Variants in GOLPH3 observed in about 807,000 individuals in gnomAD.
The protein encoded by GOLPH3 is coat protein GPP34.
A neutral mutation model predicts 28.5 loss-of-function variants in GOLPH3; 14 were observed. The ratio of observed to expected loss-of-function variants is 0.49; its 90% CI spans 0.32 to 0.77. The LOEUF is 0.77. Among genes scored for constraint, GOLPH3 ranks in the 30% least tolerant of loss-of-function variants. The pLI is 0.03. For missense variants in GOLPH3, 350 were observed against 393.7 expected (o/e 0.89, Z 0.94); for synonymous variants, 158 against 159.2 (o/e 0.99, Z 0.06).
chr5:32,144,940 C>T (rs1746156739), intron 1 of GOLPH3, among the ~76,000 whole-genome samples: 1 of 152,176 alleles, frequency 6.6e-6, no homozygotes, highest in African/African-American at 2.4e-5. Flanking sequence ...ACAGCAGAAG[C>T]TATAAATAAC....
intron 2 of GOLPH3, 84 bp downstream of exon 2, chr5:32,143,665 T>TA (rs1164851294): frequency 1.1e-5 from 13 of 1,211,042 alleles, no homozygotes; most frequent in Non-Finnish European, 1.5e-5. Flanking sequence ...ACTTCCACTT[T>TA]AATTTTTGAA....
In GOLPH3 at chr5:32,173,844, TC is replaced by T; in HGVS notation, c.190del (p.Glu64ArgfsTer31). ...DSKETRLTLM[E>X]EVLLLGLKDR... ...CTTGAGGCCCAGCAGGAGCACTTCC[TC>T]CATCAGGGTCAGCCGCGTTTCCTTG... On this transcript the variant is annotated frameshift_variant, in exon 1 of 4. Transcript: ENST00000265070. LOFTEE classifies it high-confidence loss of function. The T allele has an allele frequency of 6.6e-7, 1 of 1,508,100 alleles. No individual in the cohort carries two copies. Among genetic ancestry groups the T allele is most frequent in the South Asian group, 1.3e-5 (1 of 79,296 alleles). 93.4% of individuals were successfully genotyped at this position (1,508,100 alleles called of 1,614,324 possible). A position where few individuals can be genotyped will look rare whatever the true frequency, so the allele number is the denominator to read the frequency against.
chr5:32,155,164 TA>T (rs1746392114), intron 1 of GOLPH3, among the ~76,000 whole-genome samples: 1 of 151,466 alleles, frequency 6.6e-6, no homozygotes, highest in Non-Finnish European at 1.5e-5. Flanking sequence ...CTAAATACAC[TA>T]AAAGTCACTG....
At position 32,126,146 on chromosome 5, in the gene GOLPH3, G is replaced by C; in HGVS notation, c.*66C>G. The C allele has an allele frequency of 6.8e-7, 1 of 1,461,862 alleles. No individual in the cohort carries two copies. Among genetic ancestry groups the C allele is most frequent in the South Asian group, 1.3e-5 (1 of 74,672 alleles). 90.6% of individuals were successfully genotyped at this position (1,461,862 alleles called of 1,614,324 possible). On this transcript the variant is annotated 3_prime_UTR_variant, in exon 4 of 4. Transcript: ENST00000265070. ...GGAAAGTACAAATTACAGAAAACCA[G>C]AAGTCAACAGAAGAAAAACTACTGG...
chr5:32,155,484 T>C (rs1280210126), intron 1 of GOLPH3, among the ~76,000 whole-genome samples: 2 of 152,192 alleles, frequency 1.3e-5, no homozygotes, highest in East Asian at 3.8e-4. Context: ...TCCTGGATTG[T>C]ACTGTTTAAA....
chr5:32,134,063 A>G (rs770688144), intron 3 of GOLPH3, among the ~76,000 whole-genome samples: 3 of 152,200 alleles, frequency 2.0e-5, no homozygotes, highest in Non-Finnish European at 2.9e-5. Context: ...GTATGTACTT[A>G]ATTTTTAAAT....
At chr5:32,155,191 C>T (rs1746392695) in intron 1 of GOLPH3, among the ~76,000 whole-genome samples, 1 of 151,350 alleles carries the variant, frequency 6.6e-6, no homozygotes, top group South Asian at 2.1e-4. Flanking sequence ...TTACCTTTTA[C>T]TTTGTTTTTT....
At chr5:32,168,485 C>T (rs1484152464) in intron 1 of GOLPH3, among the ~76,000 whole-genome samples, 1 of 152,170 alleles carries the variant, frequency 6.6e-6, no homozygotes, top group Admixed American at 6.5e-5. Flanking sequence ...TACTGTATTA[C>T]AGTTCTTGTC....
chr5:32,139,321 T>C (rs921649265), intron 2 of GOLPH3, among the ~76,000 whole-genome samples: 8 of 152,052 alleles, frequency 5.3e-5, no homozygotes, highest in Admixed American at 4.6e-4. Context: ...ATAGGTTATA[T>C]GCAAACACTA....
intron 1 of GOLPH3, among the ~76,000 whole-genome samples, chr5:32,158,133 ACACACACACACAC>A (rs1746494003): frequency 1.9e-4 from 2 of 10,412 alleles, no homozygotes; most frequent in African/African-American, 2.7e-4. Context: ...TAAATAAAAT[ACACACACACACAC>A]ACACACACAC....
intron 1 of GOLPH3, among the ~76,000 whole-genome samples, chr5:32,148,432 C>T (rs1445527762): frequency 1.3e-5 from 2 of 152,134 alleles, no homozygotes; most frequent in Admixed American, 1.3e-4. Flanking sequence ...AATGAAATCA[C>T]TAAAAACACT....
intron 2 of GOLPH3, among the ~76,000 whole-genome samples, chr5:32,138,778 G>T (rs1004978673): frequency 6.6e-6 from 1 of 152,208 alleles, no homozygotes. Context: ...GCTCATAGAT[G>T]TATGTAGCTA....
chr5:32,168,930 G>C (rs1262611019), intron 1 of GOLPH3, among the ~76,000 whole-genome samples: 1 of 151,438 alleles, frequency 6.6e-6, no homozygotes, highest in Admixed American at 6.6e-5. Context: ...CTGTACTCTA[G>C]CCTGGCGACA....
At chr5:32,134,377 T>G (rs1561659253) in intron 3 of GOLPH3, among the ~76,000 whole-genome samples, 1 of 151,910 alleles carries the variant, frequency 6.6e-6, no homozygotes, top group Non-Finnish European at 1.5e-5. Flanking sequence ...GGCTAATTCT[T>G]TTGTGTTTTT....
intron 3 of GOLPH3, among the ~76,000 whole-genome samples, chr5:32,127,933 C>A (rs552803401): frequency 7.2e-5 from 11 of 152,140 alleles, no homozygotes; most frequent in African/African-American, 2.7e-4. Flanking sequence ...CCTAGAGGCA[C>A]GTCCCAGGCA....
At position 32,158,132 on chromosome 5, in the gene GOLPH3, T is replaced by TA. The variant is rs1308648161; in HGVS notation, c.226-14253dup. 2.4e-3 allele frequency among the ~76,000 whole-genome samples: 81 copies of TA among 33,684 alleles called. 9 individuals carry two copies. Among genetic ancestry groups the TA allele is most frequent in the African/African-American group, 8.7e-3 (72 of 8,322 alleles). 22.1% of individuals were successfully genotyped at this position (33,684 alleles called of 152,430 possible). A position where few individuals can be genotyped will look rare whatever the true frequency, so the allele number is the denominator to read the frequency against. ...TAAATAAATAAATAAATAAATAAAA[T>TA]ACACACACACACACACACACACACA... On this transcript the variant is annotated intron_variant, in intron 1 of 3. Transcript: ENST00000265070.
intron 1 of GOLPH3, among the ~76,000 whole-genome samples, chr5:32,167,256 C>A (rs1472277444): frequency 6.6e-6 from 1 of 152,176 alleles, no homozygotes; most frequent in Admixed American, 6.5e-5. Context: ...ACTGCAACCT[C>A]CGCCTCTCAG....
intron 1 of GOLPH3, among the ~76,000 whole-genome samples, chr5:32,156,084 C>T (rs1746419463): frequency 1.3e-5 from 2 of 151,378 alleles, no homozygotes; most frequent in South Asian, 2.1e-4. Flanking sequence ...ATAAAAGAGG[C>T]CCCAGAGAGT....
chr5:32,146,501 A>C (rs746750379), intron 1 of GOLPH3, among the ~76,000 whole-genome samples: 10 of 152,126 alleles, frequency 6.6e-5, no homozygotes, highest in Non-Finnish European at 1.5e-4. Flanking sequence ...AATGGTAGAA[A>C]AGGGTATTGT....
Sources: gnomAD v4.1 joint callset for allele counts (sites outside exome capture counted in the v4.1 genomes callset) on GRCh38, gnomAD v4.1.1 for gene constraint, MANE v1.5 for transcripts, NCBI Gene and HGNC (gene_info 2026-07-23, HGNC 2026-07-21) for gene names.